Variants in SETD2 observed in about 807,000 individuals in gnomAD.
The protein encoded by SETD2 is histone-lysine N-methyltransferase SETD2.
A neutral mutation model predicts 242.1 loss-of-function variants in SETD2; 31 were observed. That is an observed-to-expected ratio of 0.13 (90% confidence interval 0.10 to 0.17). The LOEUF (loss-of-function observed/expected upper bound fraction) is 0.17, where lower values mean the gene tolerates loss of function less well. Ranked by LOEUF, SETD2 falls within the 10% of genes least tolerant of loss-of-function variation. The pLI is 1.00. For missense variants in SETD2, 2,481 were observed against 3,046.3 expected (o/e 0.81, Z 4.37); for synonymous variants, 1,006 against 1,066.5 (o/e 0.94, Z 1.11).
At chr3:47,079,968 A>G (rs977226492) in intron 12 of SETD2, among the ~76,000 whole-genome samples, 1 of 152,232 alleles carries the variant, frequency 6.6e-6, no homozygotes, top group Admixed American at 6.5e-5. Context: ...ATTAATCCTT[A>G]TGGATACAGA....
rs2042863466 is a variant in SETD2 at position 47,116,613 on chromosome 3, A to C, written c.4586+10T>G. ...TGTTGAGCAAAAGCCGAGTATTCTA[A>C]TTTACTTACCATTCAATCATGAGAA... On this transcript the variant is annotated intron_variant, in intron 4 of 20. Transcript: ENST00000409792. 1 of 1,603,790 alleles carries C rather than the reference A, an allele frequency of 6.2e-7. No individual in the cohort carries two copies. The highest frequency in any genetic ancestry group is 1.7e-5 in the Admixed American group (1 of 57,744).
chr3:47,062,371 G>GTTTT, intron 13 of SETD2, 25 bp from the exon 14 acceptor site: 2 of 1,366,278 alleles, frequency 1.5e-6, no homozygotes, highest in Non-Finnish European at 2.0e-6. Flanking sequence ...TGGTTTGTTT[G>GTTTT]TTTTTTTTTT....
At chr3:47,114,761 C>G (rs949170514) in intron 4 of SETD2, among the ~76,000 whole-genome samples, 8 of 151,934 alleles carry the variant, frequency 5.3e-5, no homozygotes, top group Admixed American at 5.2e-4. Flanking sequence ...CGCCTGTAAT[C>G]CCAGCTACTT....
At position 47,058,454 on chromosome 3, in the gene SETD2, AAAAAAAAAAAC is replaced by A. The variant is rs1219260235; in HGVS notation, c.6294-975_6294-965del. Among the ~76,000 whole-genome samples, 99 of 149,400 alleles carry A rather than the reference AAAAAAAAAAAC, an allele frequency of 6.6e-4. 2 individuals are homozygous for A. Among genetic ancestry groups the A allele is most frequent in the African/African-American group, 2.1e-3 (83 of 40,258 alleles). On this transcript the variant is annotated intron_variant, in intron 14 of 20. Transcript: ENST00000409792. ...AGACACCGTCTCAAAAAAAAAAAAA[AAAAAAAAAAAC>A]ACAAAGAGGGAGAATATTCACATAA... is the stretch of plus-strand genomic sequence containing the variant.
chr3:47,038,606 ACT>A (rs2039131161), intron 17 of SETD2, among the ~76,000 whole-genome samples: 1 of 151,756 alleles, frequency 6.6e-6, no homozygotes, highest in Non-Finnish European at 1.5e-5. Context: ...CAAGAGTGAA[ACT>A]CTGTCTTAAA....
At chr3:47,120,107 C>G (rs2107738216) in intron 3 of SETD2, 75 bp downstream of exon 3, 1 of 1,197,548 alleles carries the variant, frequency 8.4e-7, no homozygotes, top group Non-Finnish European at 1.2e-6. Flanking sequence ...CTCATACAGT[C>G]TGAATTGTTT....
intron 1 of SETD2, among the ~76,000 whole-genome samples, chr3:47,137,315 C>T (rs2043610713): frequency 6.6e-6 from 1 of 151,996 alleles, no homozygotes; most frequent in East Asian, 1.9e-4. Context: ...GCCTCAGCTT[C>T]CCGAGTAGCT....
chr3:47,122,494 G>C lies in SETD2; in HGVS notation c.2142C>G (p.Cys714Trp), dbSNP rs2106679847. 6.2e-7 allele frequency: 1 copy of C among 1,614,058 alleles called. No individual in the cohort carries two copies. The highest frequency in any genetic ancestry group is 8.5e-7 in the Non-Finnish European group (1 of 1,179,966). The change falls in exon 3 of 21, where the codon TGC becomes TGG. Residue 714 changes from cysteine to tryptophan, a missense_variant. By Grantham distance (215) the Cys-to-Trp change is radical (BLOSUM62 -2). Around this residue, in one of 17 missense-constraint regions of SETD2, gnomAD observed 1,300 missense variants for 1,259.2 expected, o/e 1.03. Coordinates refer to ENST00000409792, the MANE Select transcript of SETD2 (RefSeq NM_014159.7). ...TCTGAAATCCATTTGATGAAAGCAT[G>C]CATGCTTTGACCAAAGGGGATAATT... ...GSELSPLVKA[C>W]MLSSNGFQNI...
chr3:47,124,665 T>C, intron 2 of SETD2, 117 bp from the exon 3 acceptor site: 1 of 833,996 alleles, frequency 1.2e-6, no homozygotes, highest in Non-Finnish European at 1.8e-6. Flanking sequence ...ACAAATAGTA[T>C]GAATTTCACT....
chr3:47,107,469 A>G (rs2042472823), intron 5 of SETD2, among the ~76,000 whole-genome samples: 2 of 152,104 alleles, frequency 1.3e-5, no homozygotes, highest in South Asian at 2.1e-4. Context: ...ATGTATATAT[A>G]TATTTATATA....
chr3:47,110,953 G>GT (rs1476886075), intron 5 of SETD2, among the ~76,000 whole-genome samples: 1 of 151,856 alleles, frequency 6.6e-6, no homozygotes, highest in Non-Finnish European at 1.5e-5. Flanking sequence ...TCTGTTGCAA[G>GT]TAACAGAATT....
chr3:47,023,332 G>A (rs2038322433), intron 18 of SETD2, among the ~76,000 whole-genome samples: 1 of 152,104 alleles, frequency 6.6e-6, no homozygotes, highest in Admixed American at 6.6e-5. Context: ...CCCGGGAGGT[G>A]GAGTCTGCAG....
At chr3:47,026,857 G>T (rs1435490965) in intron 18 of SETD2, among the ~76,000 whole-genome samples, 1 of 152,064 alleles carries the variant, frequency 6.6e-6, no homozygotes, top group Non-Finnish European at 1.5e-5. Context: ...CCTCATGTAG[G>T]TGATGGGTTG....
At chr3:47,143,787 T>C (rs1348040908) in intron 1 of SETD2, among the ~76,000 whole-genome samples, 2 of 152,226 alleles carry the variant, frequency 1.3e-5, no homozygotes, top group East Asian at 3.9e-4. Context: ...CTCGGCTCAC[T>C]GCAACCTCCA....
Position 47,016,961 on chromosome 3 carries a change from G to A in SETD2, c.*132C>T. The A allele has an allele frequency of 1.2e-6, 1 of 857,202 alleles. No homozygotes were observed. The highest frequency in any genetic ancestry group is 2.9e-4 in the Middle Eastern group (1 of 3,490). The allele number at this position is 857,202 out of a possible 1,614,324, so 53.1% of individuals were successfully genotyped here. A position where few individuals can be genotyped will look rare whatever the true frequency, so the allele number is the denominator to read the frequency against. On this transcript the variant is annotated 3_prime_UTR_variant, in exon 21 of 21. Transcript: ENST00000409792. Reference sequence around the variant, plus strand: ...TGTGGCCTTCAGTTGACATCTGCAGGGTTGAATTCCCCAGGGTGATGTATC... The same window carrying A: ...TGTGGCCTTCAGTTGACATCTGCAGAGTTGAATTCCCCAGGGTGATGTATC...
intron 12 of SETD2, among the ~76,000 whole-genome samples, chr3:47,077,679 C>G (rs1283369081): frequency 6.6e-6 from 1 of 152,116 alleles, no homozygotes; most frequent in Admixed American, 6.6e-5. Flanking sequence ...CATCTAGAAT[C>G]CAGATATTGG....
At chr3:47,119,030 A>C (rs1048609784) in intron 3 of SETD2, among the ~76,000 whole-genome samples, 9 of 152,234 alleles carry the variant, frequency 5.9e-5, no homozygotes, top group Non-Finnish European at 1.3e-4. Context: ...TTTAAAATTA[A>C]GTCTTTTACC....
chr3:47,031,490 C>G (rs2038768248), intron 18 of SETD2, among the ~76,000 whole-genome samples: 1 of 152,150 alleles, frequency 6.6e-6, no homozygotes, highest in Non-Finnish European at 1.5e-5. Flanking sequence ...CAAACAAAAG[C>G]TGACAAAATG....
At chr3:47,096,464 T>C (rs527500380) in intron 9 of SETD2, among the ~76,000 whole-genome samples, 1 of 151,588 alleles carries the variant, frequency 6.6e-6, no homozygotes, top group Non-Finnish European at 1.5e-5. Flanking sequence ...CCCAGCACTT[T>C]GGGAGGCCAA....
Sources: allele counts gnomAD v4.1 joint callset (sites outside exome capture counted in the v4.1 genomes callset), GRCh38; gene constraint gnomAD v4.1.1; regional missense constraint gnomAD v4.1.1; transcripts MANE v1.5; gene names NCBI Gene and HGNC (gene_info 2026-07-23, HGNC 2026-07-21).